Variants in TAOK1 observed in about 807,000 individuals in gnomAD.
The protein encoded by TAOK1 is serine/threonine-protein kinase TAO1.
A neutral mutation model predicts 138.3 loss-of-function variants in TAOK1; 21 were observed. The ratio of observed to expected loss-of-function variants is 0.15; its 90% CI spans 0.11 to 0.22. The LOEUF is 0.22. TAOK1 is among the 10% of genes least tolerant of loss of function. TAOK1 has a pLI of 1.00. For synonymous variants in TAOK1, 361 were observed against 398.4 expected (o/e 0.91, Z 1.12); for missense variants, 651 against 1,227.7 (o/e 0.53, Z 7.02).
chr17:29,415,986 G>A (rs985204654), intron 1 of TAOK1, among the ~76,000 whole-genome samples: 3 of 152,184 alleles, frequency 2.0e-5, no homozygotes, highest in African/African-American at 7.2e-5. Context: ...GTTTTGCTGG[G>A]GCGTGGTGCC....
chr17:29,446,824 C>T (rs772660851), intron 1 of TAOK1, among the ~76,000 whole-genome samples: 13 of 151,006 alleles, frequency 8.6e-5, no homozygotes, highest in Admixed American at 2.0e-4. Context: ...CTGCAGCCTC[C>T]GCCTCCCAGG....
chr17:29,398,041 A>T (rs1048489866), intron 1 of TAOK1, among the ~76,000 whole-genome samples: 4 of 151,830 alleles, frequency 2.6e-5, no homozygotes, highest in Admixed American at 6.6e-5. Flanking sequence ...CTTATTTTAA[A>T]GTTTTTTTCG....
At chr17:29,520,859 A>G (rs2031902630) in intron 16 of TAOK1, among the ~76,000 whole-genome samples, 4 of 151,862 alleles carry the variant, frequency 2.6e-5, no homozygotes, top group African/African-American at 9.7e-5. Context: ...ACCCATCTAT[A>G]CTAAAGATAC....
intron 1 of TAOK1, among the ~76,000 whole-genome samples, chr17:29,410,567 T>G (rs1208354505): frequency 6.6e-6 from 1 of 151,528 alleles, no homozygotes; most frequent in African/African-American, 2.4e-5. Flanking sequence ...TGTATAGATC[T>G]TAGAATAGTA....
In TAOK1 at chr17:29,417,577, A is replaced by G. The variant is rs1202518883; in HGVS notation, c.-95+26553A>G. On this transcript the variant is annotated intron_variant, in intron 1 of 19. Transcript: ENST00000261716. ...CACCATTGCCTCAGGCCCATGGAACAGCTTACTTTTTGCCAGATTTCTTAA... is the reference window on the plus strand; with the variant it reads ...CACCATTGCCTCAGGCCCATGGAACGGCTTACTTTTTGCCAGATTTCTTAA... 2.0e-5 allele frequency among the ~76,000 whole-genome samples: 3 copies of G among 152,180 alleles called. No individual in the cohort carries two copies. In the East Asian group the frequency reaches 5.8e-4, roughly 29 times the overall value.
intron 8 of TAOK1, among the ~76,000 whole-genome samples, chr17:29,488,644 C>T (rs577408403): frequency 6.0e-5 from 9 of 150,632 alleles, no homozygotes; most frequent in Admixed American, 1.3e-4. Context: ...AATTTTTTTT[C>T]GCCAAATATT....
intron 16 of TAOK1, among the ~76,000 whole-genome samples, chr17:29,521,126 G>GT (rs1485869113): frequency 6.6e-6 from 1 of 152,028 alleles, no homozygotes; most frequent in Admixed American, 6.6e-5. Flanking sequence ...ATATATTGTT[G>GT]TTCAGTTTTT....
chr17:29,469,788 T>G (rs1189763752), intron 3 of TAOK1, among the ~76,000 whole-genome samples: 1 of 152,200 alleles, frequency 6.6e-6, no homozygotes, highest in Non-Finnish European at 1.5e-5. Flanking sequence ...GTTGGCGTCC[T>G]TCATGAAAAT....
At chr17:29,435,950 G>A (rs893697291) in intron 1 of TAOK1, among the ~76,000 whole-genome samples, 12 of 152,126 alleles carry the variant, frequency 7.9e-5, no homozygotes, top group Non-Finnish European at 1.5e-4. Context: ...CCAACATGGT[G>A]AAACCCCATC....
intron 3 of TAOK1, among the ~76,000 whole-genome samples, chr17:29,468,553 C>CT (rs34030976): frequency 0.18 from 26,841 of 145,834 alleles, 2,500 homozygotes; most frequent in Middle Eastern, 0.24. Flanking sequence ...TGGATATGAT[C>CT]TTTTTTTTTT....
chr17:29,491,034 A>G (rs1408508948), intron 9 of TAOK1, among the ~76,000 whole-genome samples: 2 of 152,230 alleles, frequency 1.3e-5, no homozygotes, highest in Non-Finnish European at 2.9e-5. Context: ...AAACAAAAAC[A>G]TTGAAACCAT....
At chr17:29,413,780 A>G (rs1905200183) in intron 1 of TAOK1, among the ~76,000 whole-genome samples, 1 of 152,026 alleles carries the variant, frequency 6.6e-6, no homozygotes, top group African/African-American at 2.4e-5. Context: ...CGTCTCTGAT[A>G]ATCACCAGTC....
chr17:29,509,040 G>A (rs539186167), intron 14 of TAOK1, among the ~76,000 whole-genome samples: 4 of 152,142 alleles, frequency 2.6e-5, no homozygotes, highest in African/African-American at 7.2e-5. Context: ...CATTCTTATA[G>A]TAGTAGGGAC....
intron 11 of TAOK1, among the ~76,000 whole-genome samples, chr17:29,495,963 C>T (rs1175984506): frequency 6.6e-6 from 1 of 152,072 alleles, no homozygotes; most frequent in Non-Finnish European, 1.5e-5. Context: ...ATTGCATGCT[C>T]TAAATCCAAC....
At chr17:29,532,990 ACC>A (rs1413504698) in intron 18 of TAOK1, among the ~76,000 whole-genome samples, 25 of 7,424 alleles carry the variant, frequency 3.4e-3, no homozygotes, top group Non-Finnish European at 4.4e-3. Flanking sequence ...CAGGGGGCTG[ACC>A]CCCCCACCTC....
rs1034234979 is a variant in TAOK1 at position 29,547,048 on chromosome 17, G to A, written c.*4026G>A. ...TGTTTCTGTGAGTTTGTGTTGTGAT[G>A]CAATAAGAGATAAGTAATGCAGAGA... On this transcript the variant is annotated 3_prime_UTR_variant, in exon 20 of 20. Transcript: ENST00000261716. 1 of 152,212 alleles carries A rather than the reference G, an allele frequency of 6.6e-6. No individual in the cohort carries two copies. Among genetic ancestry groups the A allele is most frequent in the East Asian group, 1.9e-4 (1 of 5,192 alleles). 9.4% of individuals were successfully genotyped at this position (152,212 alleles called of 1,614,324 possible). A position where few individuals can be genotyped will look rare whatever the true frequency, so the allele number is the denominator to read the frequency against.
chr17:29,416,797 G>A (rs1208135742), intron 1 of TAOK1, among the ~76,000 whole-genome samples: 1 of 151,992 alleles, frequency 6.6e-6, no homozygotes, highest in Non-Finnish European at 1.5e-5. Context: ...TCTAAAAGGG[G>A]TAATCATCTT....
At chr17:29,525,446 G>A (rs1010934951) in intron 17 of TAOK1, among the ~76,000 whole-genome samples, 1 of 147,822 alleles carries the variant, frequency 6.8e-6, no homozygotes, top group Admixed American at 6.9e-5. Context: ...CGCTCTTGTC[G>A]CCTAGGCTGG....
chr17:29,476,328 C>T (rs1056530359), intron 4 of TAOK1, among the ~76,000 whole-genome samples: 9 of 152,082 alleles, frequency 5.9e-5, no homozygotes, highest in African/African-American at 2.2e-4. Context: ...AGTATACGTA[C>T]TGTAGATTTA....
Sources: allele counts gnomAD v4.1 joint callset (sites outside exome capture counted in the v4.1 genomes callset), GRCh38; gene constraint gnomAD v4.1.1; transcripts MANE v1.5; gene names NCBI Gene and HGNC (gene_info 2026-07-23, HGNC 2026-07-21).